MYO15A: variants seen among roughly 807,000 people sequenced by gnomAD.
MYO15A encodes myosin XVA, also known as unconventional myosin-XV.
MYO15A carries 308 observed loss-of-function variants against 394.6 expected under a neutral mutation model. The observed-to-expected ratio is 0.78, with a 90% CI of 0.71 to 0.86. The LOEUF (loss-of-function observed/expected upper bound fraction) is 0.86. Among genes scored for constraint, MYO15A ranks in the 40% least tolerant of loss-of-function variants. The pLI, the probability that MYO15A is intolerant of heterozygous loss-of-function variation, is 0.00. For missense variants in MYO15A, 4,606 were observed against 4,799.1 expected (o/e 0.96, Z 1.19); for synonymous variants, 1,957 against 2,003.8 (o/e 0.98, Z 0.62).
intron 44 of MYO15A, 131 bp from the exon 45 acceptor site, chr17:18,154,549 C>T: frequency 1.1e-6 from 1 of 909,664 alleles, no homozygotes; most frequent in Non-Finnish European, 1.8e-6. Flanking sequence ...CACAGATGAC[C>T]CAGCTTACAG....
chr17:18,163,950 G>C (rs913072536), intron 60 of MYO15A, 112 bp downstream of exon 60: 15 of 1,081,020 alleles, frequency 1.4e-5, no homozygotes, highest in Non-Finnish European at 2.1e-5. Flanking sequence ...ACTTCCTCCA[G>C]GAAGCCCCTT....
intron 1 of MYO15A, among the ~76,000 whole-genome samples, chr17:18,118,202 A>G (rs1298622581): frequency 6.6e-6 from 1 of 152,168 alleles, no homozygotes; most frequent in Non-Finnish European, 1.5e-5. Flanking sequence ...CACTGACCGC[A>G]GCCCAGCACC....
intron 61 of MYO15A, 111 bp downstream of exon 61, chr17:18,166,632 G>A (rs2046859273): frequency 2.1e-6 from 3 of 1,422,082 alleles, no homozygotes; most frequent in Non-Finnish European, 2.9e-6. Flanking sequence ...AGGCCCTGTG[G>A]ATGTCTCTAG....
chr17:18,171,775 A>G lies in MYO15A; in HGVS notation c.10216+4A>G. 1 of 1,607,782 alleles carries G rather than the reference A, an allele frequency of 6.2e-7. No homozygotes were observed. Among genetic ancestry groups the G allele is most frequent in the South Asian group, 1.1e-5 (1 of 91,022 alleles). The stretch of plus-strand genomic sequence containing the variant: ...CAGGCCCGTGCCCAGTTTCTGGGTA[A>G]GAGCTGCAGGGCAGGGGAGGTGATC... On this transcript the variant is annotated splice_donor_region_variant and intron_variant, in intron 63 of 65. Transcript: ENST00000647165.
Position 18,153,910 on chromosome 17 carries a change from C to T in MYO15A, c.8088+14C>T. ...CTGCGCAAAGAGGTGCCGAGCACAG[C>T]CGTAGCCAGGGGAGGGGCTGAAGCG... On this transcript the variant is annotated intron_variant, in intron 43 of 65. Coordinates refer to ENST00000647165, the MANE Select transcript of MYO15A (RefSeq NM_016239.4). This position sits in a 1 kb window ranked among gnomAD's most constrained non-coding sequence, Gnocchi z 4.1. 6.2e-7 allele frequency: 1 copy of T among 1,613,458 alleles called. No homozygotes were observed. The highest frequency in any genetic ancestry group is 1.1e-5 in the South Asian group (1 of 91,080).
chr17:18,144,543 C>G lies in MYO15A; in HGVS notation c.6224C>G (p.Thr2075Arg). The G allele has an allele frequency of 1.9e-6, 3 of 1,613,342 alleles. No homozygotes were observed. The highest frequency in any genetic ancestry group is 2.5e-6 in the Non-Finnish European group (3 of 1,180,026). ...MLTVPLRTPLTQLPAEHHAEA... is the reference protein window; with the variant it reads ...MLTVPLRTPLRQLPAEHHAEA... Reference sequence around the variant, plus strand: ...ACAGTGCCCCTGAGGACACCCCTCACGCAGCTGCCAGCCGAGCACCATGCA... The same window carrying G: ...ACAGTGCCCCTGAGGACACCCCTCAGGCAGCTGCCAGCCGAGCACCATGCA... The change falls in exon 29 of 66, where the codon ACG becomes AGG. Residue 2075 changes from threonine to arginine, a missense_variant. Coordinates refer to ENST00000647165, the MANE Select transcript of MYO15A (RefSeq NM_016239.4).
At chr17:18,163,629 T>TGAGGATTG in intron 59 of MYO15A, 113 bp from the exon 60 acceptor site, 1 of 980,550 alleles carries the variant, frequency 1.0e-6, no homozygotes. Context: ...TTGTGCGCCT[T>TGAGGATTG]TGTGAAGAGG....
rs748006735 is a variant in MYO15A at position 18,121,152 on chromosome 17, G to T, written c.2352G>T (p.Pro784=). The change falls in exon 2 of 66, where the codon CCG becomes CCT. Residue 784 remains proline (P), a synonymous_variant. Coordinates refer to ENST00000647165, the MANE Select transcript of MYO15A (RefSeq NM_016239.4). The surrounding 1 kb of genome is among the most constrained non-coding windows in gnomAD (Gnocchi z 5.3). ...ASPQPSLRSS[P]GLGYCSPLAP... Reference sequence around the variant, plus strand: ...CCCAGCCCTCGCTGAGGAGCTCGCCGGGCCTCGGCTACTGCTCACCCTTGG... The same window carrying T: ...CCCAGCCCTCGCTGAGGAGCTCGCCTGGCCTCGGCTACTGCTCACCCTTGG... The T allele has an allele frequency of 2.9e-5, 44 of 1,511,868 alleles. No individual in the cohort carries two copies. Among genetic ancestry groups the T allele is most frequent in the African/African-American group, 5.8e-5 (4 of 69,434 alleles). The allele number at this position is 1,511,868 out of a possible 1,614,324, so 93.7% of individuals were successfully genotyped here.
rs2142381989 is a variant in MYO15A at position 18,155,335 on chromosome 17, C to T, written c.8362C>T (p.Gln2788Ter). 6.2e-7 allele frequency: 1 copy of T among 1,613,824 alleles called. No homozygotes were observed. Among genetic ancestry groups the T allele is most frequent in the Non-Finnish European group, 8.5e-7 (1 of 1,180,042 alleles). ...PATGSVGTGV[Q>*]LLAVSHVGIK... ...CCAGGGCAGCGTGGGCACTGGTGTG[C>T]AGCTCCTAGCTGTGTCCCACGTGGG... Residue 2788 changes from glutamine (Q) to a stop codon, truncating the protein, a stop_gained, in exon 47 of 66, where the codon CAG (glutamine) becomes TAG (stop). Coordinates refer to ENST00000647165, the MANE Select transcript of MYO15A (RefSeq NM_016239.4). LOFTEE classifies it high-confidence loss of function.
Position 18,143,969 on chromosome 17 carries a change from C to CAAG in MYO15A, c.6146_6147insAAG (p.Pro2049_Met2050insSer). On this transcript the variant is annotated inframe_insertion, in exon 28 of 66. Transcript: ENST00000647165. ...CTGCCCCTGGACATCAACAACTATC[C>CAAG]TATGGCCAAGTTTGTCCAGTGCCAC... The CAAG allele has an allele frequency of 6.2e-7, 1 of 1,613,458 alleles. No individual in the cohort carries two copies. The highest frequency in any genetic ancestry group is 8.5e-7 in the Non-Finnish European group (1 of 1,179,952).
rs758899795 is a variant in MYO15A at position 18,119,701 on chromosome 17, C to G, written c.901C>G (p.Pro301Ala). 15 of 1,610,422 alleles carry G rather than the reference C, an allele frequency of 9.3e-6. No homozygotes were observed. The East Asian group carries it at 2.2e-4, about 24-fold the overall frequency. ...HPDYYGGPFD[P>A]GYTYGYGYDD... The stretch of plus-strand genomic sequence containing the variant: ...CGACTATTACGGTGGCCCCTTTGAT[C>G]CGGGGTACACCTACGGCTACGGCTA... The change falls in exon 2 of 66, where the codon CCG becomes GCG. Residue 301 changes from proline (P) to alanine (A), a missense_variant. Pro to Ala is a conservative substitution (Grantham distance 27, BLOSUM62 -1). This residue lies in a region of MYO15A where 1,830 missense variants were observed against 1,689.7 expected (regional missense o/e 1.08). Transcript: ENST00000647165.
Position 18,148,802 on chromosome 17 carries a change from A to AGAATG in MYO15A, c.6808_6812dup (p.Val2272MetfsTer15). On this transcript the variant is annotated frameshift_variant, in exon 33 of 66. Transcript: ENST00000647165. LOFTEE classifies it high-confidence loss of function. This position sits in a 1 kb window ranked among gnomAD's most constrained non-coding sequence, Gnocchi z 4.8. ...TGGCGCGGCTGGACCGTGGCCATGA[A>AGAATG]GAATGGTGTCCAGTGGGCAGAGCTG... 3.1e-6 allele frequency: 5 copies of AGAATG among 1,605,460 alleles called. No individual in the cohort carries two copies. Among genetic ancestry groups the AGAATG allele is most frequent in the Non-Finnish European group, 4.3e-6 (5 of 1,175,886 alleles).
At chr17:18,134,682 A>G (rs569848062) in intron 12 of MYO15A, among the ~76,000 whole-genome samples, 1 of 152,360 alleles carries the variant, frequency 6.6e-6, no homozygotes, top group East Asian at 1.9e-4. Context: ...CAGGAGCTGG[A>G]GACCAGCCTA....
chr17:18,149,713 C>A, intron 35 of MYO15A, 133 bp downstream of exon 35: 1 of 891,998 alleles, frequency 1.1e-6, no homozygotes. Flanking sequence ...ATCTGGATGT[C>A]TGCTGGAGGC....
In MYO15A at chr17:18,153,698, C is replaced by A; in HGVS notation, c.7967-77C>A. ...GGGGGACAACAGCGAAACTCCGTCT[C>A]AAAAATATATATATATATTAATTAA... On this transcript the variant is annotated intron_variant, in intron 42 of 65. Transcript: ENST00000647165. This position sits in a 1 kb window ranked among gnomAD's most constrained non-coding sequence, Gnocchi z 4.1. 2.3e-6 allele frequency: 3 copies of A among 1,298,004 alleles called. No individual in the cohort carries two copies. Among genetic ancestry groups the A allele is most frequent in the Non-Finnish European group, 3.0e-6 (3 of 1,007,796 alleles). 80.4% of individuals were successfully genotyped at this position (1,298,004 alleles called of 1,614,324 possible). A position where few individuals can be genotyped will look rare whatever the true frequency, so the allele number is the denominator to read the frequency against.
Position 18,141,721 on chromosome 17 carries a change from G to A in MYO15A, c.5600G>A (p.Ser1867Asn). 5 of 1,614,122 alleles carry A rather than the reference G, an allele frequency of 3.1e-6. No individual in the cohort carries two copies. Among genetic ancestry groups the A allele is most frequent in the Non-Finnish European group, 3.4e-6 (4 of 1,180,036 alleles). The change falls in exon 23 of 66, where the codon AGT (serine) becomes AAT (asparagine). Residue 1867 changes from serine to asparagine, a missense_variant. Ser to Asn is a conservative substitution (Grantham distance 46). This residue lies in a region of MYO15A where 2,776 missense variants were observed against 3,109.3 expected (regional missense o/e 0.89). Transcript: ENST00000647165. ...ANGDMCVSVLSRLCKVMPNMY... is the reference protein window; with the variant it reads ...ANGDMCVSVLNRLCKVMPNMY... ...GGGGACATGTGTGTGTCAGTGCTGA[G>A]TCGCCTGTGCAAAGTCATGCCAAAC...
At chr17:18,139,454 A>C in intron 18 of MYO15A, 80 bp from the exon 19 acceptor site, 1 of 1,447,972 alleles carries the variant, frequency 6.9e-7, no homozygotes, top group South Asian at 1.2e-5. Flanking sequence ...GGACCATAGA[A>C]GTGAGGAGGA....
intron 52 of MYO15A, 72 bp downstream of exon 52, chr17:18,158,710 G>C: frequency 6.4e-7 from 1 of 1,560,178 alleles, no homozygotes; most frequent in Non-Finnish European, 8.8e-7. Context: ...CAAACTGCAG[G>C]CTGTCAGTCT....
At chr17:18,149,397 G>A (rs998461892) in intron 34 of MYO15A, 21 bp downstream of exon 34, 2 of 1,608,516 alleles carry the variant, frequency 1.2e-6, no homozygotes, top group South Asian at 1.1e-5. Context: ...AATGGCTGCT[G>A]TCTCTGGTGG....
Sources: allele counts gnomAD v4.1 joint callset (sites outside exome capture counted in the v4.1 genomes callset), GRCh38; gene constraint gnomAD v4.1.1; regional missense constraint gnomAD v4.1.1; non-coding constraint Gnocchi (gnomAD v3.1); transcripts MANE v1.5; gene names NCBI Gene and HGNC (gene_info 2026-07-23, HGNC 2026-07-21).